TTC9: variants seen among roughly 807,000 people sequenced by gnomAD.
The protein encoded by TTC9 is tetratricopeptide repeat domain 9.
In TTC9, 13 loss-of-function variants were observed where a neutral mutation model predicts 22.9. That is an observed-to-expected ratio of 0.57 (90% CI 0.37 to 0.90). TTC9 has a LOEUF of 0.90. Among genes scored for constraint, TTC9 ranks in the 40% least tolerant of loss-of-function variants. TTC9 has a pLI of 0.01. For synonymous variants in TTC9, 148 were observed against 133.2 expected (o/e 1.11, Z -0.77); for missense variants, 280 against 291.8 (o/e 0.96, Z 0.29).
chr14:70,664,192 T>C (rs1379490779), intron 1 of TTC9, among the ~76,000 whole-genome samples: 1 of 151,984 alleles, frequency 6.6e-6, no homozygotes, highest in African/African-American at 2.4e-5. Context: ...CCCCAGGTCC[T>C]GGCTAATGGC....
At chr14:70,657,124 A>T (rs1361997853) in intron 1 of TTC9, among the ~76,000 whole-genome samples, 1 of 152,268 alleles carries the variant, frequency 6.6e-6, no homozygotes, top group Non-Finnish European at 1.5e-5. Flanking sequence ...CTTTCCATGC[A>T]GTTCTTTTAC....
At chr14:70,646,463 G>A (rs1003199596) in intron 1 of TTC9, among the ~76,000 whole-genome samples, 7 of 152,184 alleles carry the variant, frequency 4.6e-5, no homozygotes, top group African/African-American at 1.4e-4. Context: ...CCCTACATCT[G>A]TTCCTGTGGG....
At chr14:70,645,131 A>C (rs1157592520) in intron 1 of TTC9, among the ~76,000 whole-genome samples, 1 of 152,194 alleles carries the variant, frequency 6.6e-6, no homozygotes, top group Admixed American at 6.5e-5. Flanking sequence ...AAAATAAAAA[A>C]TAAAAAAGTC....
chr14:70,660,185 T>A (rs1886125872), intron 1 of TTC9, among the ~76,000 whole-genome samples: 1 of 152,200 alleles, frequency 6.6e-6, no homozygotes, highest in South Asian at 2.1e-4. Context: ...TCCAGGGGAA[T>A]ATTTCAAATC....
intron 1 of TTC9, among the ~76,000 whole-genome samples, chr14:70,655,068 A>G (rs1422839723): frequency 6.6e-6 from 1 of 152,216 alleles, no homozygotes; most frequent in African/African-American, 2.4e-5. Context: ...GCTTTAGGCT[A>G]AATTTAATTT....
In TTC9 at chr14:70,647,687, G is replaced by C. The variant is rs952004324; in HGVS notation, c.406+5152G>C. ...TGCTATATGCAAATGGGGCAGCAGA[G>C]AGTGGTATTGTGCCCATCTCCTCTG... is the stretch of plus-strand genomic sequence containing the variant. On this transcript the variant is annotated intron_variant, in intron 1 of 2. Transcript: ENST00000256367. 3.9e-5 allele frequency among the ~76,000 whole-genome samples: 6 copies of C among 152,224 alleles called. No homozygotes were observed. The East Asian group carries it at 1.2e-3, about 29-fold the overall frequency.
intron 1 of TTC9, among the ~76,000 whole-genome samples, chr14:70,649,425 C>T (rs111418932): frequency 1.4e-4 from 21 of 150,252 alleles, no homozygotes; most frequent in African/African-American, 4.1e-4. Context: ...ACAAGATCCC[C>T]GCCTTACATG....
chr14:70,668,876 G>A (rs1213426912), intron 2 of TTC9, among the ~76,000 whole-genome samples: 1 of 150,238 alleles, frequency 6.7e-6, no homozygotes, highest in African/African-American at 2.5e-5. Flanking sequence ...AAGGAGTAAG[G>A]CTGGGCGCGG....
intron 1 of TTC9, 47 bp downstream of exon 1, chr14:70,642,582 C>A: frequency 1.3e-6 from 2 of 1,497,134 alleles, no homozygotes; most frequent in Non-Finnish European, 1.8e-6. Context: ...TTCTTCGGCC[C>A]GGTCCCTCCG....
Position 70,666,598 on chromosome 14 carries a change from T to C in TTC9, c.407-966T>C, listed in dbSNP as rs547921031. Among the ~76,000 whole-genome samples the C allele has an allele frequency of 7.2e-5, 11 of 152,312 alleles. No individual in the cohort carries two copies. The South Asian group carries it at 2.3e-3, about 32-fold the overall frequency. Reference sequence around the variant, plus strand: ...TATGGCCATTATTTTATATAATCCCTCCAACAACTAGATTAGGAAGGACTT... The same window carrying C: ...TATGGCCATTATTTTATATAATCCCCCCAACAACTAGATTAGGAAGGACTT... On this transcript the variant is annotated intron_variant, in intron 1 of 2. Transcript: ENST00000256367.
At chr14:70,646,038 G>A (rs1012135101) in intron 1 of TTC9, among the ~76,000 whole-genome samples, 2 of 152,128 alleles carry the variant, frequency 1.3e-5, no homozygotes, top group African/African-American at 2.4e-5. Context: ...AAGAGATGTC[G>A]GTCTAAAAAC....
At chr14:70,649,905 C>T (rs541708187) in intron 1 of TTC9, among the ~76,000 whole-genome samples, 27 of 152,264 alleles carry the variant, frequency 1.8e-4, no homozygotes, top group Admixed American at 4.6e-4. Flanking sequence ...GTCATTGTTT[C>T]CCTAGGTCCT....
At chr14:70,658,691 T>C (rs1391659477) in intron 1 of TTC9, among the ~76,000 whole-genome samples, 14 of 152,258 alleles carry the variant, frequency 9.2e-5, no homozygotes, top group Admixed American at 7.2e-4. Context: ...AATGAAATTC[T>C]TTCTCTTATG....
intron 1 of TTC9, among the ~76,000 whole-genome samples, chr14:70,658,516 C>G (rs1434366383): frequency 2.6e-5 from 4 of 152,184 alleles, no homozygotes; most frequent in Non-Finnish European, 5.9e-5. Context: ...GACCCCCTAA[C>G]AGGTTCTGCA....
At chr14:70,644,568 C>T (rs1885876315) in intron 1 of TTC9, among the ~76,000 whole-genome samples, 2 of 152,286 alleles carry the variant, frequency 1.3e-5, no homozygotes, top group African/African-American at 4.8e-5. Context: ...CTTTGATGCA[C>T]AAAGTCAGCA....
intron 1 of TTC9, among the ~76,000 whole-genome samples, chr14:70,650,700 A>G (rs1885972226): frequency 6.6e-6 from 1 of 152,218 alleles, no homozygotes; most frequent in African/African-American, 2.4e-5. Context: ...AATTCTCCAC[A>G]TCATTCTTTC....
chr14:70,653,119 T>C (rs1013221041), intron 1 of TTC9, among the ~76,000 whole-genome samples: 6 of 152,252 alleles, frequency 3.9e-5, no homozygotes, highest in Admixed American at 1.3e-4. Context: ...AGGATTGTTA[T>C]GGTGATTAAA....
chr14:70,651,458 C>T (rs1480256002), intron 1 of TTC9, among the ~76,000 whole-genome samples: 2 of 152,138 alleles, frequency 1.3e-5, no homozygotes, highest in African/African-American at 4.8e-5. Context: ...TAATGCCATT[C>T]TGGGTATTAT....
At chr14:70,661,600 C>T (rs1172201427) in intron 1 of TTC9, among the ~76,000 whole-genome samples, 1 of 152,164 alleles carries the variant, frequency 6.6e-6, no homozygotes, top group Non-Finnish European at 1.5e-5. Context: ...CAGTGGGTGG[C>T]GTTTTGCCCT....
Sources: allele counts gnomAD v4.1 joint callset (sites outside exome capture counted in the v4.1 genomes callset), GRCh38; gene constraint gnomAD v4.1.1; transcripts MANE v1.5; gene names NCBI Gene and HGNC (gene_info 2026-07-23, HGNC 2026-07-21).